The following FBXO30 variants were observed in gnomAD, a reference collection of about 807,000 sequenced individuals.
FBXO30 encodes the protein F-box only protein 30.
FBXO30 carries 21 observed loss-of-function variants against 58.1 expected under a neutral mutation model. The ratio of observed to expected loss-of-function variants is 0.36; its 90% CI spans 0.26 to 0.52. The LOEUF (loss-of-function observed/expected upper bound fraction) is 0.52, where lower values mean the gene tolerates loss of function less well. FBXO30 is among the 20% of genes least tolerant of loss of function. FBXO30 has a pLI of 0.93. For synonymous variants in FBXO30, 309 were observed against 312.4 expected, an observed-to-expected ratio of 0.99 and a Z score of 0.11; for missense variants, 744 against 897.3, an observed-to-expected ratio of 0.83 and a Z score of 2.18.
In FBXO30 at chr6:145,805,008, T is replaced by C; in HGVS notation, c.1398A>G (p.Ala466=). 1.9e-6 allele frequency: 3 copies of C among 1,613,870 alleles called. No homozygotes were observed. The highest frequency in any genetic ancestry group is 2.2e-5 in the East Asian group (1 of 44,870). The change falls in exon 2 of 3, where the codon GCA becomes GCG. Residue 466 remains alanine, a synonymous_variant. Coordinates refer to ENST00000237281, the MANE Select transcript of FBXO30 (RefSeq NM_032145.5). ...CAACCATTGTACTTGTAGCTAATAT[T>C]GCAGATGGAAGTGAAAAAGTCTGAG... is the stretch of plus-strand genomic sequence containing the variant. ...VGTQTFSLPS[A]ILATSTMVGE... is the part of the protein sequence containing the mutation.
In FBXO30 at chr6:145,794,267, A is replaced by T. The variant is rs930907439; in HGVS notation, c.*5839T>A. On this transcript the variant is annotated 3_prime_UTR_variant, in exon 3 of 3. Coordinates refer to ENST00000237281, the MANE Select transcript of FBXO30 (RefSeq NM_032145.5). ...GGTTTTTTATCCTCCAAAGAATATCACATCTTTCTGCATTTAAGGTAACAA... is the reference window on the plus strand; with the variant it reads ...GGTTTTTTATCCTCCAAAGAATATCTCATCTTTCTGCATTTAAGGTAACAA... 18 of 151,926 alleles carry T rather than the reference A, an allele frequency of 1.2e-4. No homozygotes were observed. Among genetic ancestry groups the T allele is most frequent in the African/African-American group, 3.6e-4 (15 of 41,424 alleles). 9.4% of individuals were successfully genotyped at this position (151,926 alleles called of 1,614,324 possible).
intron 2 of FBXO30, among the ~76,000 whole-genome samples, chr6:145,801,330 G>C (rs935664392): frequency 6.6e-6 from 1 of 152,030 alleles, no homozygotes; most frequent in African/African-American, 2.4e-5. Context: ...TGTGGCCCAG[G>C]ACGGCTCTGA....
rs1212448287 is a variant in FBXO30, at chr6:145,793,588, A to G, written c.*6518T>C. On this transcript the variant is annotated 3_prime_UTR_variant, in exon 3 of 3. Transcript: ENST00000237281. ...AAGAAACAAAGTATAAAACTATAAA[A>G]AAAAACCTTGAAAATTATACAAATT... 1 of 152,108 alleles carries G rather than the reference A, an allele frequency of 6.6e-6. No individual in the cohort carries two copies. The highest frequency in any genetic ancestry group is 1.5e-5 in the Non-Finnish European group (1 of 67,952). 9.4% of individuals were successfully genotyped at this position (152,108 alleles called of 1,614,324 possible).
chr6:145,804,539 G>A lies in FBXO30; in HGVS notation c.1867C>T (p.His623Tyr). The part of the protein sequence containing the change: ...LSSLPFEVLQ[H>Y]IAGFLDGFSL... ...AAGCCATCGAGAAAGCCTGCAATAT[G>A]CTGCAGGACCTCAAAAGGAAGACTA... The change falls in exon 2 of 3, where the codon CAT (histidine) becomes TAT (tyrosine). Residue 623 changes from histidine to tyrosine, a missense_variant. By Grantham distance (83) the His-to-Tyr change is moderately conservative. Around this residue, in one of 3 missense-constraint regions of FBXO30, gnomAD observed 334 missense variants for 433.7 expected, o/e 0.77. Coordinates refer to ENST00000237281, the MANE Select transcript of FBXO30 (RefSeq NM_032145.5). 1.2e-6 allele frequency: 2 copies of A among 1,613,724 alleles called. No homozygotes were observed. Among genetic ancestry groups the A allele is most frequent in the Middle Eastern group, 1.7e-4 (1 of 6,056 alleles).
chr6:145,809,066 A>AT (rs1778263379), intron 1 of FBXO30, among the ~76,000 whole-genome samples: 2 of 152,206 alleles, frequency 1.3e-5, no homozygotes, highest in East Asian at 3.8e-4. Flanking sequence ...CCAAACCTAT[A>AT]TTTTTTAATT....
rs1343660491 is a variant in FBXO30 at position 145,804,831 on chromosome 6, C to T, written c.1575G>A (p.Gln525=). 6 of 1,613,822 alleles carry T rather than the reference C, an allele frequency of 3.7e-6. No individual in the cohort carries two copies. The highest frequency in any genetic ancestry group is 5.1e-6 in the Non-Finnish European group (6 of 1,179,914). The change falls in exon 2 of 3, where the codon CAG becomes CAA. Residue 525 remains glutamine (Q), a synonymous_variant. Coordinates refer to ENST00000237281, the MANE Select transcript of FBXO30 (RefSeq NM_032145.5). ...AAGAAAATTCTTTCCTTCTAAATAA[C>T]TGTCCACACACAAAGGTAAACATTG... ...QRSMFTFVCG[Q]LFRRKEFSSH... is the part of the protein sequence containing the mutation.
chr6:145,809,480 A>T (rs1778275456), intron 1 of FBXO30, among the ~76,000 whole-genome samples: 1 of 152,232 alleles, frequency 6.6e-6, no homozygotes, highest in Non-Finnish European at 1.5e-5. Context: ...ACCAGGCAAA[A>T]CATATCTTAA....
In FBXO30 at chr6:145,804,612, C is replaced by T. The variant is rs1325483685; in HGVS notation, c.1794G>A (p.Val598=). The change falls in exon 2 of 3, where the codon GTG becomes GTA. Residue 598 remains valine (V), a synonymous_variant. Coordinates refer to ENST00000237281, the MANE Select transcript of FBXO30 (RefSeq NM_032145.5). ...GVQPCVSTVL[V]EPARNCVLGL... is the part of the protein sequence containing the mutation. Reference sequence around the variant, plus strand: ...CCAACACACAGTTTCTAGCAGGCTCCACTAATACTGTAGATACACATGGCT... The same window carrying T: ...CCAACACACAGTTTCTAGCAGGCTCTACTAATACTGTAGATACACATGGCT... The T allele has an allele frequency of 1.2e-6, 2 of 1,613,792 alleles. No individual in the cohort carries two copies. The highest frequency in any genetic ancestry group is 2.2e-5 in the South Asian group (2 of 91,080).
At position 145,793,717 on chromosome 6, in the gene FBXO30, CAG is replaced by C. The variant is rs1777813773; in HGVS notation, c.*6387_*6388del. 1 of 151,886 alleles carries C rather than the reference CAG, an allele frequency of 6.6e-6. No homozygotes were observed. Among genetic ancestry groups the C allele is most frequent in the African/African-American group, 2.4e-5 (1 of 41,394 alleles). The allele number at this position is 151,886 out of a possible 1,614,324, so 9.4% of individuals were successfully genotyped here. On this transcript the variant is annotated 3_prime_UTR_variant, in exon 3 of 3. Transcript: ENST00000237281. ...AAAAGATAAAAAATAAACATTGACA[CAG>C]AAGTCAATCACTCAGTCACAGAAGT... is the stretch of plus-strand genomic sequence containing the variant.
At chr6:145,808,307 T>C (rs1328643971) in intron 1 of FBXO30, among the ~76,000 whole-genome samples, 1 of 152,006 alleles carries the variant, frequency 6.6e-6, no homozygotes, top group Non-Finnish European at 1.5e-5. Context: ...ACTACCCCTA[T>C]TAAAACTGCT....
At chr6:145,802,931 T>G in intron 2 of FBXO30, among the ~76,000 whole-genome samples, 1 of 152,006 alleles carries the variant, frequency 6.6e-6, no homozygotes, top group African/African-American at 2.4e-5. Context: ...GGAAACTTGG[T>G]GATGATGGTG....
In FBXO30 at chr6:145,799,635, A is replaced by C. The variant is rs1777937192; in HGVS notation, c.*471T>G. On this transcript the variant is annotated 3_prime_UTR_variant, in exon 3 of 3. Coordinates refer to ENST00000237281, the MANE Select transcript of FBXO30 (RefSeq NM_032145.5). ...TTAACAATTGTATAGGGAAGCACTAAAAGACAAAAACATTATAATGATATT... is the reference window on the plus strand; with the variant it reads ...TTAACAATTGTATAGGGAAGCACTACAAGACAAAAACATTATAATGATATT... 2.6e-5 allele frequency: 4 copies of C among 153,142 alleles called. No individual in the cohort carries two copies. The Admixed American group carries it at 2.6e-4, about 10-fold the overall frequency. 9.5% of individuals were successfully genotyped at this position (153,142 alleles called of 1,614,324 possible).
At position 145,800,131 on chromosome 6, in the gene FBXO30, C is replaced by T. The variant is rs780954833; in HGVS notation, c.2213G>A (p.Arg738His). 1.2e-5 allele frequency: 19 copies of T among 1,612,476 alleles called. No homozygotes were observed. The highest frequency in any genetic ancestry group is 4.5e-5 in the East Asian group (2 of 44,840). Residue 738 changes from arginine to histidine, a missense_variant, in exon 3 of 3, where the codon CGC becomes CAC. Arg to His is a conservative substitution (Grantham distance 29, BLOSUM62 0). This residue lies in a region of FBXO30 where 334 missense variants were observed against 433.7 expected (regional missense o/e 0.77). Coordinates refer to ENST00000237281, the MANE Select transcript of FBXO30 (RefSeq NM_032145.5). ...TTAAAGTACAGGTTTTAAAACTGAG[C>T]GTAGTGAACGTCCTTCTTTAGTGAG... ...RELTKEGRSL[R>H]SVLKPVL
intron 2 of FBXO30, among the ~76,000 whole-genome samples, chr6:145,804,125 A>G (rs1778089505): frequency 6.6e-6 from 1 of 152,158 alleles, no homozygotes; most frequent in African/African-American, 2.4e-5. Flanking sequence ...GAGAAACGTA[A>G]GTGGTCTCTG....
At position 145,794,309 on chromosome 6, in the gene FBXO30, G is replaced by GA. The variant is rs1277150677; in HGVS notation, c.*5796dup. The GA allele has an allele frequency of 6.6e-6, 1 of 151,922 alleles. No homozygotes were observed. The highest frequency in any genetic ancestry group is 2.4e-5 in the African/African-American group (1 of 41,426). 9.4% of individuals were successfully genotyped at this position (151,922 alleles called of 1,614,324 possible). ...AGGTAACAACATTTATGTAAATCATGAGAAAAGGAAGCTAAATGACATCTT... is the reference window on the plus strand; with the variant it reads ...AGGTAACAACATTTATGTAAATCATGAAGAAAAGGAAGCTAAATGACATCTT... On this transcript the variant is annotated 3_prime_UTR_variant, in exon 3 of 3. Transcript: ENST00000237281.
At position 145,798,401 on chromosome 6, in the gene FBXO30, A is replaced by G. The variant is rs76957387; in HGVS notation, c.*1705T>C. 4 of 152,514 alleles carry G rather than the reference A, an allele frequency of 2.6e-5. No homozygotes were observed. The South Asian group carries it at 6.2e-4, about 24-fold the overall frequency. The allele number at this position is 152,514 out of a possible 1,614,324, so 9.4% of individuals were successfully genotyped here. A position where few individuals can be genotyped will look rare whatever the true frequency, so the allele number is the denominator to read the frequency against. ...TTAAAAACAATGAATTTTAAAAAGC[A>G]TAACTATAAAACAAAAGTTAATGCT... On this transcript the variant is annotated 3_prime_UTR_variant, in exon 3 of 3. Coordinates refer to ENST00000237281, the MANE Select transcript of FBXO30 (RefSeq NM_032145.5).
chr6:145,793,956 A>G lies in FBXO30; in HGVS notation c.*6150T>C, dbSNP rs1440214007. 6.6e-6 allele frequency: 1 copy of G among 152,050 alleles called. No individual in the cohort carries two copies. Among genetic ancestry groups the G allele is most frequent in the Non-Finnish European group, 1.5e-5 (1 of 67,908 alleles). 9.4% of individuals were successfully genotyped at this position (152,050 alleles called of 1,614,324 possible). A position where few individuals can be genotyped will look rare whatever the true frequency, so the allele number is the denominator to read the frequency against. On this transcript the variant is annotated 3_prime_UTR_variant, in exon 3 of 3. Transcript: ENST00000237281. Reference sequence around the variant, plus strand: ...GGCTTTGGTAATGATTGCAAATATCAAATTCTTTTCTTTTTAATTGTAATA... The same window carrying G: ...GGCTTTGGTAATGATTGCAAATATCGAATTCTTTTCTTTTTAATTGTAATA...
chr6:145,804,308 T>C, intron 2 of FBXO30, 64 bp downstream of exon 2: 1 of 1,346,490 alleles, frequency 7.4e-7, no homozygotes, highest in Non-Finnish European at 1.0e-6. Context: ...TTAATTGTAT[T>C]AATTCAGCAG....
rs1308709404 is a variant in FBXO30 at position 145,794,943 on chromosome 6, AAAG to A, written c.*5160_*5162del. On this transcript the variant is annotated 3_prime_UTR_variant, in exon 3 of 3. Transcript: ENST00000237281. Reference sequence around the variant, plus strand: ...AAAGAAGCAATAATGACAATATGGAAAAGAAGATTTCAACACAAAAAAAAATTC... The same window carrying A: ...AAAGAAGCAATAATGACAATATGGAAAAGATTTCAACACAAAAAAAAATTC... 3.3e-5 allele frequency: 5 copies of A among 151,834 alleles called. No individual in the cohort carries two copies. In the East Asian group the frequency reaches 5.8e-4, roughly 18 times the overall value. 9.4% of individuals were successfully genotyped at this position (151,834 alleles called of 1,614,324 possible). A position where few individuals can be genotyped will look rare whatever the true frequency, so the allele number is the denominator to read the frequency against.
Sources: gnomAD v4.1 joint callset for allele counts (sites outside exome capture counted in the v4.1 genomes callset) on GRCh38, gnomAD v4.1.1 for gene constraint, gnomAD v4.1.1 regional missense constraint, MANE v1.5 for transcripts, NCBI Gene and HGNC (gene_info 2026-07-23, HGNC 2026-07-21) for gene names.